The following NOL10 variants were observed in gnomAD, a reference collection of about 807,000 sequenced individuals.
NOL10 encodes the protein nucleolar protein 10.
In NOL10, 58 loss-of-function variants were observed where a neutral mutation model predicts 103.5. That is an observed-to-expected ratio of 0.56 (90% CI 0.45 to 0.70). The LOEUF (loss-of-function observed/expected upper bound fraction) is 0.70. Among genes scored for constraint, NOL10 ranks in the 30% least tolerant of loss-of-function variants. The pLI, the probability that NOL10 is intolerant of heterozygous loss-of-function variation, is 0.00. For synonymous variants in NOL10, 287 were observed against 282.5 expected (o/e 1.02, Z -0.16); for missense variants, 763 against 807.3 (o/e 0.95, Z 0.67).
chr2:10,598,050 A>C (rs7593496), intron 17 of NOL10, among the ~76,000 whole-genome samples: 90,041 of 152,130 alleles, frequency 0.59, 27,665 homozygotes, highest in African/African-American at 0.74. Flanking sequence ...ACGGTGCCAA[A>C]AGGAAGGAGT....
At chr2:10,677,871 G>GTGTGTA (rs201387297) in intron 3 of NOL10, among the ~76,000 whole-genome samples, 8,952 of 145,876 alleles carry the variant, frequency 0.061, 324 homozygotes, top group African/African-American at 0.1. Flanking sequence ...GTGTGTGTGT[G>GTGTGTA]TATACACATA....
chr2:10,585,063 T>C (rs908311630), intron 19 of NOL10, among the ~76,000 whole-genome samples: 2 of 152,230 alleles, frequency 1.3e-5, no homozygotes, highest in Non-Finnish European at 2.9e-5. Context: ...AAAGGAGTCC[T>C]TTCTCAGCAG....
At chr2:10,592,402 G>A (rs1426824707) in intron 17 of NOL10, among the ~76,000 whole-genome samples, 1 of 152,184 alleles carries the variant, frequency 6.6e-6, no homozygotes, top group African/African-American at 2.4e-5. Flanking sequence ...TCCATTTAGG[G>A]CTGCCTATGC....
intron 19 of NOL10, among the ~76,000 whole-genome samples, chr2:10,583,281 G>A (rs928653371): frequency 6.6e-6 from 1 of 152,204 alleles, no homozygotes; most frequent in African/African-American, 2.4e-5. Flanking sequence ...TTTTTCTCTA[G>A]AGAGGTGTAT....
At chr2:10,683,911 T>C (rs1204122832) in intron 2 of NOL10, among the ~76,000 whole-genome samples, 1 of 152,134 alleles carries the variant, frequency 6.6e-6, no homozygotes, top group Non-Finnish European at 1.5e-5. Context: ...ACAGGCTAAC[T>C]TATTAGTTAA....
intron 1 of NOL10, among the ~76,000 whole-genome samples, chr2:10,686,435 G>A (rs1265812718): frequency 1.3e-5 from 2 of 152,164 alleles, no homozygotes; most frequent in Non-Finnish European, 2.9e-5. Context: ...AGGAGGGCAG[G>A]AAGGCACAAC....
chr2:10,688,913 G>A (rs978639906), intron 1 of NOL10, among the ~76,000 whole-genome samples: 2 of 152,216 alleles, frequency 1.3e-5, no homozygotes, highest in Non-Finnish European at 1.5e-5. Context: ...AATTTTTGTA[G>A]AAGCAGACGC....
chr2:10,573,325 C>A (rs1187183022), intron 20 of NOL10, among the ~76,000 whole-genome samples: 1 of 152,118 alleles, frequency 6.6e-6, no homozygotes, highest in East Asian at 1.9e-4. Flanking sequence ...TCCAGAGTAG[C>A]TGGGACTACA....
Position 10,687,939 on chromosome 2 carries a change from C to G in NOL10, c.66+1857G>C, listed in dbSNP as rs184394031. On this transcript the variant is annotated intron_variant, in intron 1 of 20. Coordinates refer to ENST00000381685, the MANE Select transcript of NOL10 (RefSeq NM_024894.4). ...GCGACCTCAAAAAAAAATCTTGATT[C>G]TTTTTGCTCACTACGTTCCTCCTCT... 2.3e-3 allele frequency among the ~76,000 whole-genome samples: 350 copies of G among 152,282 alleles called. 1 individual carries two copies. Among genetic ancestry groups the G allele is most frequent in the Non-Finnish European group, 3.7e-3 (252 of 68,028 alleles).
In NOL10 at chr2:10,600,915, C is replaced by T. The variant is rs868317183; in HGVS notation, c.1360G>A (p.Ala454Thr). The change falls in exon 17 of 21, where the codon GCA becomes ACA. Residue 454 changes from alanine (A) to threonine (T), a missense_variant. Physicochemically the swap from Ala to Thr is moderately conservative, Grantham distance 58 (BLOSUM62 0). Coordinates refer to ENST00000381685, the MANE Select transcript of NOL10 (RefSeq NM_024894.4). Reference protein sequence around the residue: ...KKLPKVNKELALKLIEEEEEK... With the variant: ...KKLPKVNKELTLKLIEEEEEK... ...TCTTCTTCCTCAATTAATTTAAGTGCCAGCTCTTTGTTAACTTTTGGCAAT... is the reference window on the plus strand; with the variant it reads ...TCTTCTTCCTCAATTAATTTAAGTGTCAGCTCTTTGTTAACTTTTGGCAAT... 1 of 1,555,322 alleles carries T rather than the reference C, an allele frequency of 6.4e-7. No individual in the cohort carries two copies. The highest frequency in any genetic ancestry group is 2.4e-5 in the East Asian group (1 of 42,060).
chr2:10,643,551 G>C (rs1678860507), intron 13 of NOL10, among the ~76,000 whole-genome samples: 1 of 152,142 alleles, frequency 6.6e-6, no homozygotes, highest in African/African-American at 2.4e-5. Flanking sequence ...CTATTTAAGA[G>C]AAGAATTATT....
intron 6 of NOL10, among the ~76,000 whole-genome samples, chr2:10,669,691 A>G (rs1680805027): frequency 6.6e-6 from 1 of 151,054 alleles, no homozygotes; most frequent in Non-Finnish European, 1.5e-5. Flanking sequence ...CAAGAGACCG[A>G]GACCATCCTT....
At chr2:10,663,598 T>C (rs528728811) in intron 8 of NOL10, among the ~76,000 whole-genome samples, 2 of 152,222 alleles carry the variant, frequency 1.3e-5, no homozygotes, top group East Asian at 3.9e-4. Flanking sequence ...ATCACTAAAC[T>C]TTTACAAAGA....
intron 11 of NOL10, among the ~76,000 whole-genome samples, chr2:10,657,310 C>G (rs1469241822): frequency 6.7e-6 from 1 of 149,552 alleles, no homozygotes; most frequent in African/African-American, 2.5e-5. Flanking sequence ...AGAGCAAACT[C>G]TCTCAAAAAA....
At chr2:10,654,314 T>C (rs1323640001) in intron 12 of NOL10, among the ~76,000 whole-genome samples, 167 bp downstream of exon 12, 1 of 152,214 alleles carries the variant, frequency 6.6e-6, no homozygotes, top group Admixed American at 6.5e-5. Context: ...TTCTTCTAAG[T>C]AAGTTAAATA....
rs376165707 is a variant in NOL10 at position 10,683,528 on chromosome 2, T to C, written c.112+1039A>G. 8.7e-4 allele frequency among the ~76,000 whole-genome samples: 133 copies of C among 152,338 alleles called. 4 individuals carry two copies. In the South Asian group the frequency reaches 0.027, roughly 31 times the overall value. ...GACCTGTTAGGAGAGACAGTCCTCC[T>C]TGGACCTGCATGCTTACTGGGTATG... On this transcript the variant is annotated intron_variant, in intron 2 of 20. Transcript: ENST00000381685.
At chr2:10,667,338 G>A in intron 7 of NOL10, 60 bp from the exon 8 acceptor site, 3 of 1,192,128 alleles carry the variant, frequency 2.5e-6, no homozygotes, top group Non-Finnish European at 3.7e-6. Flanking sequence ...AGTGGGGAAG[G>A]AATATTAAAT....
intron 17 of NOL10, among the ~76,000 whole-genome samples, chr2:10,598,645 C>T (rs1017713587): frequency 7.2e-5 from 11 of 152,122 alleles, no homozygotes; most frequent in East Asian, 1.9e-4. Context: ...CAATTCATAA[C>T]GTCAAAAGAG....
chr2:10,615,026 T>C lies in NOL10; in HGVS notation c.1027-7715A>G, dbSNP rs1446441541. ...ATTCTGACAGCTGAGGCTTAATAAA[T>C]GATCATAAACCCAAGAGAACACTGG... On this transcript the variant is annotated intron_variant, in intron 13 of 20. Coordinates refer to ENST00000381685, the MANE Select transcript of NOL10 (RefSeq NM_024894.4). Among the ~76,000 whole-genome samples the C allele has an allele frequency of 2.0e-5, 3 of 152,232 alleles. No homozygotes were observed. The East Asian group carries it at 5.8e-4, about 29-fold the overall frequency.
Sources: gnomAD v4.1 joint callset for allele counts (sites outside exome capture counted in the v4.1 genomes callset) on GRCh38, gnomAD v4.1.1 for gene constraint, MANE v1.5 for transcripts, NCBI Gene and HGNC (gene_info 2026-07-23, HGNC 2026-07-21) for gene names.